MSRA: variants seen among roughly 807,000 people sequenced by gnomAD.
MSRA encodes methionine sulfoxide reductase A, also known as mitochondrial peptide methionine sulfoxide reductase.
Under a neutral mutation model 31.3 loss-of-function variants are expected in MSRA, and 54 were observed. The observed-to-expected ratio is 1.73, with a 90% CI of 1.39 to 2.17. MSRA has a LOEUF of 2.17. Among genes scored for constraint, MSRA ranks in the 30% most tolerant of loss-of-function variants. The pLI is 0.00. For synonymous variants in MSRA, 169 were observed against 116.5 expected, an observed-to-expected ratio of 1.45 and a Z score of -2.90; for missense variants, 507 against 300.9, an observed-to-expected ratio of 1.69 and a Z score of -5.07.
intron 5 of MSRA, among the ~76,000 whole-genome samples, chr8:10,371,949 G>T (rs1805501755): frequency 1.3e-5 from 2 of 152,184 alleles, no homozygotes. Context: ...ATGAGAAAGT[G>T]TAGGGAAGGA....
intron 1 of MSRA, among the ~76,000 whole-genome samples, chr8:10,175,054 T>C (rs1805926616): frequency 6.6e-6 from 1 of 152,148 alleles, no homozygotes; most frequent in East Asian, 1.9e-4. Context: ...CCGAACATGA[T>C]TCACCATCCA....
intron 1 of MSRA, among the ~76,000 whole-genome samples, chr8:10,167,233 G>C (rs1805218834): frequency 6.6e-6 from 1 of 152,180 alleles, no homozygotes; most frequent in Non-Finnish European, 1.5e-5. Context: ...TGCATGTTCT[G>C]ATGTCAGTGT....
intron 1 of MSRA, among the ~76,000 whole-genome samples, chr8:10,134,492 C>G (rs750268369): frequency 6.6e-6 from 1 of 152,204 alleles, no homozygotes; most frequent in Non-Finnish European, 1.5e-5. Flanking sequence ...GACCGTGGGG[C>G]ACATCCATGC....
intron 1 of MSRA, among the ~76,000 whole-genome samples, chr8:10,186,684 G>A (rs1031444225): frequency 1.3e-5 from 2 of 152,142 alleles, no homozygotes; most frequent in Non-Finnish European, 2.9e-5. Flanking sequence ...CAGGTGAAAG[G>A]CTTTGTTGCC....
At chr8:10,320,518 C>G (rs1328868148) in intron 5 of MSRA, among the ~76,000 whole-genome samples, 1 of 152,188 alleles carries the variant, frequency 6.6e-6, no homozygotes, top group African/African-American at 2.4e-5. Flanking sequence ...TTGAATCACT[C>G]ATCTAGATGA....
At chr8:10,172,814 G>T (rs1044446552) in intron 1 of MSRA, among the ~76,000 whole-genome samples, 9 of 152,212 alleles carry the variant, frequency 5.9e-5, no homozygotes, top group Admixed American at 2.6e-4. Context: ...TGATTCATTT[G>T]TTGGGCCATG....
chr8:10,273,845 C>T (rs182740969), intron 3 of MSRA, among the ~76,000 whole-genome samples: 70 of 152,260 alleles, frequency 4.6e-4, no homozygotes, highest in Non-Finnish European at 9.4e-4. Flanking sequence ...TGGAGGCTTA[C>T]ATTATGATCC....
At chr8:10,154,135 C>T (rs1368199978) in intron 1 of MSRA, among the ~76,000 whole-genome samples, 1 of 152,130 alleles carries the variant, frequency 6.6e-6, no homozygotes, top group Non-Finnish European at 1.5e-5. Flanking sequence ...AAGTAGAATG[C>T]AAGGGTGGCA....
chr8:10,123,082 T>C (rs1801243242), intron 1 of MSRA, among the ~76,000 whole-genome samples: 1 of 152,200 alleles, frequency 6.6e-6, no homozygotes, highest in South Asian at 2.1e-4. Flanking sequence ...AGCAGTTCTG[T>C]TTTTAGCTCT....
chr8:10,354,835 G>A (rs1485701460), intron 5 of MSRA, among the ~76,000 whole-genome samples: 1 of 148,262 alleles, frequency 6.7e-6, no homozygotes, highest in African/African-American at 2.5e-5. Context: ...TCATTGAATG[G>A]ATATACCATA....
In MSRA at chr8:10,096,607, GCT is replaced by G. The variant is rs1189403020; in HGVS notation, c.142+41955_142+41956del. Among the ~76,000 whole-genome samples, 6 of 152,236 alleles carry G rather than the reference GCT, an allele frequency of 3.9e-5. No individual in the cohort carries two copies. The East Asian group carries it at 9.6e-4, about 24-fold the overall frequency. On this transcript the variant is annotated intron_variant, in intron 1 of 5. Transcript: ENST00000317173. ...ATAATTAAACGATTACTGTAGCCTG[GCT>G]CTCTCAAAATGTTTTAAGTAGAAGG...
intron 1 of MSRA, among the ~76,000 whole-genome samples, chr8:10,098,701 G>A (rs1056134992): frequency 2.0e-5 from 3 of 152,310 alleles, no homozygotes; most frequent in African/African-American, 7.2e-5. Flanking sequence ...ACACGTAGCT[G>A]TAAGAATCTT....
intron 5 of MSRA, among the ~76,000 whole-genome samples, chr8:10,379,667 C>T (rs779071979): frequency 2.6e-5 from 4 of 152,194 alleles, no homozygotes; most frequent in Non-Finnish European, 5.9e-5. Context: ...TTTGACAAGA[C>T]CTATAATGGT....
In MSRA at chr8:10,054,692, G is replaced by A. The variant is rs766350258; in HGVS notation, c.142+34G>A. ...TGGCCACACGGAAGGCGCGGGCGGC[G>A]ACGCTGCGCATGCGCGCCTTTGCCC... On this transcript the variant is annotated intron_variant, in intron 1 of 5. Coordinates refer to ENST00000317173, the MANE Select transcript of MSRA (RefSeq NM_012331.5). 28 of 1,484,188 alleles carry A rather than the reference G, an allele frequency of 1.9e-5. No homozygotes were observed. In the Admixed American group the frequency reaches 5.0e-4, roughly 27 times the overall value. The allele number at this position is 1,484,188 out of a possible 1,614,324, so 91.9% of individuals were successfully genotyped here. A position where few individuals can be genotyped will look rare whatever the true frequency, so the allele number is the denominator to read the frequency against.
intron 1 of MSRA, among the ~76,000 whole-genome samples, chr8:10,098,662 T>G (rs1314209366): frequency 2.6e-5 from 4 of 152,212 alleles, no homozygotes; most frequent in African/African-American, 9.6e-5. Flanking sequence ...TAGAGTGTGA[T>G]TATAAAAAAT....
intron 3 of MSRA, among the ~76,000 whole-genome samples, chr8:10,256,787 A>G (rs560528031): frequency 1.3e-5 from 2 of 152,164 alleles, no homozygotes; most frequent in African/African-American, 2.4e-5. Flanking sequence ...AGGCGAAGCT[A>G]TAGTCTCTGA....
intron 5 of MSRA, among the ~76,000 whole-genome samples, chr8:10,348,357 C>T (rs1803915742): frequency 1.6e-5 from 1 of 64,238 alleles, no homozygotes; most frequent in Non-Finnish European, 2.6e-5. Context: ...AAATTATTGC[C>T]TTTTTTTTTT....
At chr8:10,230,177 G>A (rs1811345236) in intron 2 of MSRA, among the ~76,000 whole-genome samples, 1 of 152,268 alleles carries the variant, frequency 6.6e-6, no homozygotes, top group Non-Finnish European at 1.5e-5. Context: ...TCTGCAGAGA[G>A]GGGGTTACAG....
chr8:10,295,815 AT>A (rs778446628), intron 3 of MSRA, among the ~76,000 whole-genome samples: 4 of 152,068 alleles, frequency 2.6e-5, no homozygotes, highest in Non-Finnish European at 5.9e-5. Flanking sequence ...CCCAGGTCTC[AT>A]GGACTCTGGT....
Sources: gnomAD v4.1 joint callset for allele counts (sites outside exome capture counted in the v4.1 genomes callset) on GRCh38, gnomAD v4.1.1 for gene constraint, MANE v1.5 for transcripts, NCBI Gene and HGNC (gene_info 2026-07-23, HGNC 2026-07-21) for gene names.